Variants in GOLGA5 observed in about 807,000 individuals in gnomAD.
The protein encoded by GOLGA5 is golgin A5, also known as golgin subfamily A member 5.
Under a neutral mutation model 93.5 loss-of-function variants are expected in GOLGA5, and 50 were observed. The observed-to-expected ratio is 0.53, with a 90% CI of 0.43 to 0.68. GOLGA5 has a LOEUF of 0.68. GOLGA5 is among the 30% of genes least tolerant of loss of function. The pLI, the probability that GOLGA5 is intolerant of heterozygous loss-of-function variation, is 0.00. For missense variants in GOLGA5, 760 were observed against 856.4 expected (o/e 0.89, Z 1.40); for synonymous variants, 312 against 304.5 (o/e 1.02, Z -0.26).
In GOLGA5 at chr14:92,819,717, G is replaced by C. The variant is rs774102272; in HGVS notation, c.1501G>C (p.Ala501Pro). Residue 501 changes from alanine (A) to proline (P), a missense_variant, in exon 8 of 13, where the codon GCA becomes CCA. By Grantham distance (27) the Ala-to-Pro change is conservative. Transcript: ENST00000163416. ...AGCTTTTTCTCTTTAGGATATGGAG[G>C]CACAGCAAGTTAATGAAGCAGAATC... ...QLRSELQDMEAQQVNEAESAR... is the reference protein window; with the variant it reads ...QLRSELQDMEPQQVNEAESAR... 11 of 1,613,256 alleles carry C rather than the reference G, an allele frequency of 6.8e-6. No homozygotes were observed.
chr14:92,799,818 G>A (rs551661650), intron 2 of GOLGA5, among the ~76,000 whole-genome samples: 5 of 150,464 alleles, frequency 3.3e-5, no homozygotes, highest in African/African-American at 1.2e-4. Context: ...CGTTGGCCAG[G>A]CTGGTCTTGA....
intron 2 of GOLGA5, among the ~76,000 whole-genome samples, chr14:92,802,721 C>G (rs1884899931): frequency 6.7e-6 from 1 of 148,934 alleles, no homozygotes. Context: ...ATATAGTATA[C>G]AAATCAATTT....
At chr14:92,805,998 AC>A (rs1166373060) in intron 2 of GOLGA5, among the ~76,000 whole-genome samples, 16 of 150,058 alleles carry the variant, frequency 1.1e-4, no homozygotes, top group African/African-American at 3.0e-4. Flanking sequence ...AAAACAAAAA[AC>A]CTTGTAGTGA....
chr14:92,813,466 G>T (rs1465964153), intron 6 of GOLGA5, among the ~76,000 whole-genome samples: 1 of 152,208 alleles, frequency 6.6e-6, no homozygotes, highest in African/African-American at 2.4e-5. Context: ...CTTGAAAGAT[G>T]AATAGGAAGA....
intron 10 of GOLGA5, among the ~76,000 whole-genome samples, chr14:92,833,703 T>A (rs922922439): frequency 2.0e-5 from 3 of 152,212 alleles, no homozygotes; most frequent in Non-Finnish European, 4.4e-5. Flanking sequence ...TTACGGGTAT[T>A]AGAGCTAATA....
chr14:92,821,829 G>A (rs114546133), intron 8 of GOLGA5, among the ~76,000 whole-genome samples: 110 of 152,260 alleles, frequency 7.2e-4, no homozygotes, highest in African/African-American at 2.4e-3. Context: ...TGAGATTAGC[G>A]TCCTTTCAGA....
At chr14:92,824,894 C>A (rs1885385893) in intron 9 of GOLGA5, among the ~76,000 whole-genome samples, 1 of 152,072 alleles carries the variant, frequency 6.6e-6, no homozygotes, top group South Asian at 2.1e-4. Context: ...GAGAATTACC[C>A]CGAAATTTCA....
At chr14:92,803,358 A>C (rs1330440763) in intron 2 of GOLGA5, among the ~76,000 whole-genome samples, 1 of 152,168 alleles carries the variant, frequency 6.6e-6, no homozygotes, top group Non-Finnish European at 1.5e-5. Context: ...TTATAAGCGA[A>C]ATCGGCCTGC....
chr14:92,835,475 A>T, intron 10 of GOLGA5, 84 bp from the exon 11 acceptor site: 1 of 857,740 alleles, frequency 1.2e-6, no homozygotes, highest in Non-Finnish European at 1.8e-6. Flanking sequence ...AATTCCTTCC[A>T]CATGTAATAC....
chr14:92,824,460 C>A (rs1422867618), intron 8 of GOLGA5, 86 bp from the exon 9 acceptor site: 3 of 686,016 alleles, frequency 4.4e-6, no homozygotes, highest in Admixed American at 2.4e-5. Flanking sequence ...TGATTGTCTA[C>A]CATGTGCCAG....
Position 92,833,233 on chromosome 14 carries a change from GAA to G in GOLGA5, c.1834_1835del (p.Lys612GlufsTer21). On this transcript the variant is annotated frameshift_variant, in exon 10 of 13. Coordinates refer to ENST00000163416, the MANE Select transcript of GOLGA5 (RefSeq NM_005113.4). LOFTEE classifies it high-confidence loss of function. Reference protein sequence around the residue: ...KQTMLESLSTEKNSLVFQLER... With the variant: ...KQTMLESLSTXKNSLVFQLER... ...GACCATGCTGGAGAGTCTCAGCACAGAAAAGAACTCCCTGGTCTTTCAACTGG... is the reference window on the plus strand; with the variant it reads ...GACCATGCTGGAGAGTCTCAGCACAGAAGAACTCCCTGGTCTTTCAACTGG... The G allele has an allele frequency of 6.2e-7, 1 of 1,613,808 alleles. No individual in the cohort carries two copies. Among genetic ancestry groups the G allele is most frequent in the Non-Finnish European group, 8.5e-7 (1 of 1,179,692 alleles).
intron 4 of GOLGA5, 95 bp from the exon 5 acceptor site, chr14:92,810,159 T>G: frequency 1.3e-6 from 1 of 795,578 alleles, no homozygotes; most frequent in Non-Finnish European, 2.0e-6. Flanking sequence ...TTATCTTTTT[T>G]GTGCTTGACT....
At chr14:92,834,547 A>G (rs1885600558) in intron 10 of GOLGA5, among the ~76,000 whole-genome samples, 1 of 152,264 alleles carries the variant, frequency 6.6e-6, no homozygotes, top group African/African-American at 2.4e-5. Flanking sequence ...AAAGAAGAGC[A>G]GGCACAAAGG....
rs1433446215 is a variant in GOLGA5 at position 92,833,259 on chromosome 14, G to A, written c.1857G>A (p.Leu619=). The A allele has an allele frequency of 1.2e-6, 2 of 1,613,858 alleles. No individual in the cohort carries two copies. Residue 619 remains leucine (L), a synonymous_variant, in exon 10 of 13, where the codon CTG becomes CTA. Coordinates refer to ENST00000163416, the MANE Select transcript of GOLGA5 (RefSeq NM_005113.4). Reference sequence around the variant, plus strand: ...AAAAGAACTCCCTGGTCTTTCAACTGGAGCGCCTCGAACAGCAGATGAACT... The same window carrying A: ...AAAAGAACTCCCTGGTCTTTCAACTAGAGCGCCTCGAACAGCAGATGAACT... ...STEKNSLVFQ[L]ERLEQQMNSA...
At chr14:92,799,999 A>G (rs887476541) in intron 2 of GOLGA5, among the ~76,000 whole-genome samples, 10 of 152,338 alleles carry the variant, frequency 6.6e-5, no homozygotes, top group African/African-American at 2.2e-4. Context: ...AGTGAATAAA[A>G]TCTTTCTTGT....
chr14:92,837,498 GTT>G (rs557995443), intron 12 of GOLGA5, 49 bp downstream of exon 12: 5 of 643,458 alleles, frequency 7.8e-6, no homozygotes, highest in Non-Finnish European at 1.1e-5. Flanking sequence ...TTTTTAACTA[GTT>G]TTTTTTTTTG....
intron 9 of GOLGA5, among the ~76,000 whole-genome samples, chr14:92,827,904 ACT>A (rs1331053861): frequency 6.6e-6 from 1 of 152,194 alleles, no homozygotes; most frequent in Non-Finnish European, 1.5e-5. Flanking sequence ...CAAGGCCCTA[ACT>A]CTCTTCAATT....
intron 11 of GOLGA5, among the ~76,000 whole-genome samples, chr14:92,836,241 C>T (rs375910673): frequency 6.6e-5 from 10 of 151,240 alleles, no homozygotes; most frequent in Admixed American, 3.9e-4. Flanking sequence ...TCTAAATAAC[C>T]TACTGTACCC....
chr14:92,806,567 C>T (rs761613761), intron 2 of GOLGA5, among the ~76,000 whole-genome samples, 169 bp from the exon 3 acceptor site: 5 of 152,176 alleles, frequency 3.3e-5, no homozygotes, highest in African/African-American at 4.8e-5. Flanking sequence ...CCTGCCTCGG[C>T]CTCCCAAAAT....
Sources: gnomAD v4.1 joint callset for allele counts (sites outside exome capture counted in the v4.1 genomes callset) on GRCh38, gnomAD v4.1.1 for gene constraint, MANE v1.5 for transcripts, NCBI Gene and HGNC (gene_info 2026-07-23, HGNC 2026-07-21) for gene names.